The following INVS variants were observed in gnomAD, a reference collection of about 807,000 sequenced individuals.
The protein encoded by INVS is inversin, also known as inversion of embryo turning homolog.
INVS carries 86 observed loss-of-function variants against 108.8 expected under a neutral mutation model. The ratio of observed to expected loss-of-function variants is 0.79; its 90% CI spans 0.66 to 0.95. The LOEUF (loss-of-function observed/expected upper bound fraction) is 0.95, where lower values mean the gene tolerates loss of function less well. Ranked by LOEUF, INVS falls within the 40% of genes least tolerant of loss-of-function variation. INVS has a pLI of 0.00. For synonymous variants in INVS, 455 were observed against 473.5 expected (o/e 0.96, Z 0.51); for missense variants, 1,169 against 1,297.4 (o/e 0.90, Z 1.52).
intron 12 of INVS, among the ~76,000 whole-genome samples, 170 bp downstream of exon 12, chr9:100,273,246 C>T (rs912010256): frequency 6.6e-6 from 1 of 151,952 alleles, no homozygotes; most frequent in Non-Finnish European, 1.5e-5. Flanking sequence ...CTTCTGGAAC[C>T]GAGGCTGCAG....
Position 100,242,584 on chromosome 9 carries a change from G to A in INVS, c.811G>A (p.Val271Ile), listed in dbSNP as rs1588115714. ...WAALLGHAQI[V>I]HLLLERNKSG... ...TCTTTTCTCAGGCCATGCACAGATT[G>A]TCCATCTCCTTTTAGAAAGAAATAA... The change falls in exon 7 of 17, where the codon GTC becomes ATC. Residue 271 changes from valine to isoleucine, a missense_variant. Val to Ile is a conservative substitution (Grantham distance 29). Coordinates refer to ENST00000262457, the MANE Select transcript of INVS (RefSeq NM_014425.5). 2 of 1,597,996 alleles carry A rather than the reference G, an allele frequency of 1.3e-6. No homozygotes were observed. Among genetic ancestry groups the A allele is most frequent in the Non-Finnish European group, 1.7e-6 (2 of 1,165,522 alleles).
intron 14 of INVS, among the ~76,000 whole-genome samples, chr9:100,296,213 GCTTTC>G (rs1479054502): frequency 2.0e-5 from 3 of 152,174 alleles, no homozygotes; most frequent in Non-Finnish European, 4.4e-5. Context: ...CATTGCTGCA[GCTTTC>G]CTTTGGAGGC....
chr9:100,163,419 A>G (rs867028584), intron 3 of INVS, among the ~76,000 whole-genome samples: 1 of 152,140 alleles, frequency 6.6e-6, no homozygotes, highest in African/African-American at 2.4e-5. Context: ...TAATAACAAG[A>G]TATTTATTGA....
intron 14 of INVS, among the ~76,000 whole-genome samples, chr9:100,295,312 G>A (rs779601051): frequency 2.6e-4 from 39 of 152,126 alleles, no homozygotes; most frequent in African/African-American, 6.8e-4. Context: ...GCCCACCTGC[G>A]TAGGTAACTA....
rs572496859 is a variant in INVS, at chr9:100,232,390, C to G, written c.615+2563C>G. On this transcript the variant is annotated intron_variant, in intron 5 of 16. Coordinates refer to ENST00000262457, the MANE Select transcript of INVS (RefSeq NM_014425.5). ...CATTTGTCCATTTTGGCTTTTGTTG[C>G]CATTGCTTTTGGTGTTTTAGTCATG... Among the ~76,000 whole-genome samples, 22 of 152,236 alleles carry G rather than the reference C, an allele frequency of 1.4e-4. No individual in the cohort carries two copies. The South Asian group carries it at 2.7e-3, about 19-fold the overall frequency.
rs139927277 is a variant in INVS at position 100,280,872 on chromosome 9, G to A, written c.1785-3448G>A. ...AGAGGCTGAGGTGGGAGGATCACTT[G>A]AGGCCAGGAGTTGAAGACAAGCCTG... On this transcript the variant is annotated intron_variant, in intron 12 of 16. Coordinates refer to ENST00000262457, the MANE Select transcript of INVS (RefSeq NM_014425.5). Among the ~76,000 whole-genome samples the A allele has an allele frequency of 2.6e-5, 4 of 152,262 alleles. No individual in the cohort carries two copies. In the East Asian group the frequency reaches 5.8e-4, roughly 22 times the overall value.
chr9:100,297,066 T>C lies in INVS; in HGVS notation c.2936T>C (p.Val979Ala), dbSNP rs370592339. Residue 979 changes from valine (V) to alanine (A), a missense_variant, in exon 15 of 17, where the codon GTA becomes GCA. By Grantham distance (64) the Val-to-Ala change is moderately conservative. Coordinates refer to ENST00000262457, the MANE Select transcript of INVS (RefSeq NM_014425.5). ...CTAAAATTCCCCCAAACCACTGCAG[T>C]AAGCAAGGCCCCCAAGAGTCCATCC... ...LELKFPQTTAVSKAPKSPSKG... is the reference protein window; with the variant it reads ...LELKFPQTTAASKAPKSPSKG... The C allele has an allele frequency of 1.2e-6, 2 of 1,613,744 alleles. No homozygotes were observed. Among genetic ancestry groups the C allele is most frequent in the Non-Finnish European group, 1.7e-6 (2 of 1,179,904 alleles).
At chr9:100,116,290 G>T (rs1003635398) in intron 2 of INVS, among the ~76,000 whole-genome samples, 3 of 151,782 alleles carry the variant, frequency 2.0e-5, no homozygotes, top group African/African-American at 7.3e-5. Context: ...TATATTTTTA[G>T]TAGAGATGGG....
chr9:100,100,664 TTA>T lies in INVS; in HGVS notation c.-25+1254_-25+1255del, dbSNP rs370614711. Among the ~76,000 whole-genome samples, 219 of 22,902 alleles carry T rather than the reference TTA, an allele frequency of 9.6e-3. 3 individuals are homozygous for T. The highest frequency in any genetic ancestry group is 0.028 in the African/African-American group (68 of 2,464). 15.0% of individuals were successfully genotyped at this position (22,902 alleles called of 152,430 possible). A position where few individuals can be genotyped will look rare whatever the true frequency, so the allele number is the denominator to read the frequency against. ...TATATATGTATATATAATATATATA[TTA>T]TATATGTACATATAATATATATATT... On this transcript the variant is annotated intron_variant, in intron 1 of 16. Coordinates refer to ENST00000262457, the MANE Select transcript of INVS (RefSeq NM_014425.5).
intron 8 of INVS, among the ~76,000 whole-genome samples, chr9:100,251,242 C>A (rs1832225382): frequency 1.3e-5 from 2 of 152,122 alleles, no homozygotes; most frequent in East Asian, 3.9e-4. Context: ...CTTTGCTAAA[C>A]ACCCAGCATT....
At chr9:100,126,916 A>C (rs1455754178) in intron 3 of INVS, among the ~76,000 whole-genome samples, 4 of 152,222 alleles carry the variant, frequency 2.6e-5, no homozygotes, top group Non-Finnish European at 5.9e-5. Context: ...AATTTGGGGA[A>C]TATATATGGA....
At chr9:100,103,534 A>G (rs1037532716) in intron 1 of INVS, among the ~76,000 whole-genome samples, 4 of 152,050 alleles carry the variant, frequency 2.6e-5, no homozygotes, top group African/African-American at 7.2e-5. Flanking sequence ...AGGCTGAGGC[A>G]GGAGACTTGC....
chr9:100,205,067 C>T (rs928246380), intron 3 of INVS, among the ~76,000 whole-genome samples: 47 of 152,022 alleles, frequency 3.1e-4, no homozygotes, highest in African/African-American at 1.1e-3. Context: ...AAAAAAGTCA[C>T]GTATCTTTTG....
At chr9:100,285,194 A>C (rs1833402821) in intron 13 of INVS, among the ~76,000 whole-genome samples, 1 of 152,244 alleles carries the variant, frequency 6.6e-6, no homozygotes, top group African/African-American at 2.4e-5. Context: ...AGCCAGATAT[A>C]GAATTCAGGG....
chr9:100,216,786 T>C (rs894732778), intron 3 of INVS, among the ~76,000 whole-genome samples: 12 of 152,186 alleles, frequency 7.9e-5, no homozygotes, highest in African/African-American at 2.7e-4. Flanking sequence ...TACCATTCCT[T>C]CTTTTGCCTG....
At chr9:100,113,609 C>T (rs934639872) in intron 2 of INVS, among the ~76,000 whole-genome samples, 2 of 152,006 alleles carry the variant, frequency 1.3e-5, no homozygotes, top group Admixed American at 6.6e-5. Flanking sequence ...TTAATTGATA[C>T]ATACTAATTG....
intron 16 of INVS, among the ~76,000 whole-genome samples, chr9:100,299,403 A>C (rs1833884230): frequency 1.3e-5 from 2 of 152,218 alleles, no homozygotes; most frequent in Admixed American, 1.3e-4. Context: ...GAAGAAGCAG[A>C]AAGGTGGATA....
Position 100,301,180 on chromosome 9 carries a change from T to C in INVS, c.*506T>C, listed in dbSNP as rs10989048. 0.32 allele frequency among the ~76,000 whole-genome samples: 19,840 copies of C among 62,492 alleles called. 1,451 individuals are homozygous for C. The highest frequency in any genetic ancestry group is 0.41 in the African/African-American group (5,503 of 13,434). The allele number at this position is 62,492 out of a possible 152,430, so 41.0% of individuals were successfully genotyped here. ...ACACACACACACACACACACACACA[T>C]ATCACGTCCCACTATTACTTCAAAA... On this transcript the variant is annotated 3_prime_UTR_variant, in exon 17 of 17. Coordinates refer to ENST00000262457, the MANE Select transcript of INVS (RefSeq NM_014425.5).
intron 12 of INVS, among the ~76,000 whole-genome samples, chr9:100,275,365 C>T (rs1266531428): frequency 6.6e-6 from 1 of 152,178 alleles, no homozygotes; most frequent in Non-Finnish European, 1.5e-5. Context: ...AATTTGTAGT[C>T]ATACCTACTT....
Sources: gnomAD v4.1 joint callset for allele counts (sites outside exome capture counted in the v4.1 genomes callset) on GRCh38, gnomAD v4.1.1 for gene constraint, MANE v1.5 for transcripts, NCBI Gene and HGNC (gene_info 2026-07-23, HGNC 2026-07-21) for gene names.